Variants in PPTC7 observed in about 807,000 individuals in gnomAD.
PPTC7 encodes protein phosphatase targeting COQ7, also known as protein phosphatase PTC7 homolog.
PPTC7 carries 6 observed loss-of-function variants against 30.8 expected under a neutral mutation model. The ratio of observed to expected loss-of-function variants is 0.19; its 90% CI spans 0.11 to 0.38. PPTC7 has a LOEUF of 0.38. PPTC7 is among the 10% of genes least tolerant of loss of function. The pLI, the probability that PPTC7 is intolerant of heterozygous loss-of-function variation, is 1.00. For missense variants in PPTC7, 218 were observed against 404.8 expected (o/e 0.54, Z 3.96); for synonymous variants, 163 against 168.1 (o/e 0.97, Z 0.23).
rs774035346 is a variant in PPTC7 at position 110,551,922 on chromosome 12, T to C, written c.270A>G (p.Pro90=). 6.8e-6 allele frequency: 11 copies of C among 1,614,074 alleles called. No homozygotes were observed. In the Admixed American group the frequency reaches 1.2e-4, roughly 17 times the overall value. Residue 90 remains proline, a synonymous_variant, in exon 2 of 6, where the codon CCA becomes CCG. Coordinates refer to ENST00000354300, the MANE Select transcript of PPTC7 (RefSeq NM_139283.2). ...VGGWRDYGVD[P]SQFSGTLMRT... is the part of the protein sequence containing the mutation. Reference sequence around the variant, plus strand: ...GCATTAAAGTCCCTGAGAATTGAGATGGATCAACTCCATAGTCTCTCCAGC... The same window carrying C: ...GCATTAAAGTCCCTGAGAATTGAGACGGATCAACTCCATAGTCTCTCCAGC...
At chr12:110,546,966 G>C (rs1285580280) in intron 2 of PPTC7, among the ~76,000 whole-genome samples, 2 of 152,184 alleles carry the variant, frequency 1.3e-5, no homozygotes, top group African/African-American at 2.4e-5. Context: ...GCAAAGTGTA[G>C]GGAACATGCC....
At chr12:110,550,703 G>A (rs1050077306) in intron 2 of PPTC7, among the ~76,000 whole-genome samples, 6 of 152,100 alleles carry the variant, frequency 3.9e-5, no homozygotes, top group Non-Finnish European at 7.4e-5. Flanking sequence ...CCTGGCCAAA[G>A]GATGCTCCAT....
chr12:110,545,906 T>G lies in PPTC7; in HGVS notation c.576A>C (p.Glu192Asp). 6.2e-7 allele frequency: 1 copy of G among 1,613,834 alleles called. No individual in the cohort carries two copies. The highest frequency in any genetic ancestry group is 1.1e-5 in the South Asian group (1 of 91,054). ...TGTCGCTCAAGACGACTCCCTCGGCTTCAGGGGGAGCGATTGAGAGCTGGA... is the reference window on the plus strand; with the variant it reads ...TGTCGCTCAAGACGACTCCCTCGGCGTCAGGGGGAGCGATTGAGAGCTGGA... ...TPFQLSIAPP[E>D]AEGVVLSDSP... The change falls in exon 3 of 6, where the codon GAA (glutamate) becomes GAC (aspartate). Residue 192 changes from glutamate (E) to aspartate (D), a missense_variant. By Grantham distance (45) the Glu-to-Asp change is conservative. Coordinates refer to ENST00000354300, the MANE Select transcript of PPTC7 (RefSeq NM_139283.2).
intron 1 of PPTC7, among the ~76,000 whole-genome samples, chr12:110,562,813 A>G (rs1202190567): frequency 4.9e-5 from 7 of 142,622 alleles, no homozygotes; most frequent in East Asian, 2.0e-4. Flanking sequence ...AAAGAAGAGG[A>G]AAAAAAAAAA....
chr12:110,576,470 C>T (rs925533225), intron 1 of PPTC7, among the ~76,000 whole-genome samples: 6 of 152,056 alleles, frequency 3.9e-5, no homozygotes, highest in Non-Finnish European at 7.4e-5. Flanking sequence ...AGAAACAACT[C>T]GATGGCCATC....
chr12:110,548,215 C>A (rs1448523679), intron 2 of PPTC7, among the ~76,000 whole-genome samples: 1 of 151,938 alleles, frequency 6.6e-6, no homozygotes, highest in Non-Finnish European at 1.5e-5. Flanking sequence ...TTATTCTATG[C>A]ACACATACAC....
intron 1 of PPTC7, among the ~76,000 whole-genome samples, chr12:110,552,586 C>T (rs1455475926): frequency 2.6e-5 from 4 of 152,160 alleles, no homozygotes; most frequent in Middle Eastern, 3.2e-3. Flanking sequence ...TACAGTGGGC[C>T]GGGCGCGGTG....
intron 1 of PPTC7, among the ~76,000 whole-genome samples, chr12:110,556,860 G>A (rs1232916753): frequency 6.6e-6 from 1 of 152,168 alleles, no homozygotes; most frequent in Non-Finnish European, 1.5e-5. Context: ...ACAGCCAGTG[G>A]TTAGTGCTTA....
chr12:110,560,919 C>T (rs1401440149), intron 1 of PPTC7, among the ~76,000 whole-genome samples: 1 of 152,156 alleles, frequency 6.6e-6, no homozygotes, highest in African/African-American at 2.4e-5. Flanking sequence ...ATCAGTGAAA[C>T]ACATCTCCTG....
intron 2 of PPTC7, chr12:110,546,895 C>A (rs917656552): frequency 3.9e-5 from 6 of 152,180 alleles, no homozygotes; most frequent in Non-Finnish European, 8.8e-5. Context: ...GACCACCTCA[C>A]TAGTAACGCT....
At chr12:110,544,419 C>T (rs976610239) in intron 3 of PPTC7, among the ~76,000 whole-genome samples, 11 of 152,150 alleles carry the variant, frequency 7.2e-5, no homozygotes, top group African/African-American at 2.7e-4. Context: ...TTATGAATTG[C>T]CAGTGATGTT....
intron 1 of PPTC7, among the ~76,000 whole-genome samples, chr12:110,575,607 C>CAAAAAA (rs55831249): frequency 3.8e-5 from 1 of 26,540 alleles, no homozygotes; most frequent in Admixed American, 6.5e-4. Flanking sequence ...AACCCCACCT[C>CAAAAAA]AAAAAAAAAA....
chr12:110,579,269 C>T (rs1041091244), intron 1 of PPTC7, among the ~76,000 whole-genome samples: 5 of 152,228 alleles, frequency 3.3e-5, no homozygotes, highest in Non-Finnish European at 7.3e-5. Context: ...TTTCAGGTGG[C>T]TTCCAAGACT....
chr12:110,567,815 G>C (rs573084715), intron 1 of PPTC7, among the ~76,000 whole-genome samples: 10 of 152,260 alleles, frequency 6.6e-5, no homozygotes, highest in South Asian at 6.2e-4. Context: ...TCTTTAGAAG[G>C]ATACACAGAA....
intron 1 of PPTC7, among the ~76,000 whole-genome samples, chr12:110,579,367 T>A (rs1397134738): frequency 6.6e-6 from 1 of 152,212 alleles, no homozygotes; most frequent in Non-Finnish European, 1.5e-5. Flanking sequence ...CATATGTGCA[T>A]GCTTGATCTT....
chr12:110,582,751 G>C lies in PPTC7; in HGVS notation c.223+58C>G, dbSNP rs1221374394. 59 of 1,399,048 alleles carry C rather than the reference G, an allele frequency of 4.2e-5. 1 individual carries two copies. The South Asian group carries it at 5.6e-4, about 13-fold the overall frequency. The allele number at this position is 1,399,048 out of a possible 1,614,324, so 86.7% of individuals were successfully genotyped here. On this transcript the variant is annotated intron_variant, in intron 1 of 5. Transcript: ENST00000354300. ...GGAGGAACTGGGGAAGCCCCGCGCG[G>C]GGAGTCCCCGGGAGGCGGATCCGAG...
intron 1 of PPTC7, among the ~76,000 whole-genome samples, chr12:110,577,949 A>T (rs760318786): frequency 6.6e-6 from 1 of 152,218 alleles, no homozygotes; most frequent in African/African-American, 2.4e-5. Flanking sequence ...TTCGAAGCAC[A>T]AAAGTATCAG....
intron 1 of PPTC7, among the ~76,000 whole-genome samples, chr12:110,554,157 T>TTCA (rs1467311365): frequency 1.3e-5 from 2 of 152,180 alleles, no homozygotes; most frequent in Non-Finnish European, 1.5e-5. Context: ...CCGGCCAAAT[T>TTCA]TCACCTTTTA....
chr12:110,540,013 A>G (rs2064245740), intron 3 of PPTC7, 68 bp from the exon 4 acceptor site: 4 of 1,442,484 alleles, frequency 2.8e-6, no homozygotes, highest in Middle Eastern at 1.8e-4. Context: ...AATGTCCTAC[A>G]GGCACTATTT....
Sources: allele counts gnomAD v4.1 joint callset (sites outside exome capture counted in the v4.1 genomes callset), GRCh38; gene constraint gnomAD v4.1.1; transcripts MANE v1.5; gene names NCBI Gene and HGNC (gene_info 2026-07-23, HGNC 2026-07-21).